Variants in PARP4 observed in about 807,000 individuals in gnomAD.
PARP4 encodes the protein poly(ADP-ribose) polymerase family member 4.
PARP4 carries 120 observed loss-of-function variants against 187.7 expected under a neutral mutation model. That is an observed-to-expected ratio of 0.64 (90% CI 0.55 to 0.74). PARP4 has a LOEUF of 0.74. Among genes scored for constraint, PARP4 ranks in the 30% least tolerant of loss-of-function variants. The pLI is 0.00. For synonymous variants in PARP4, 654 were observed against 740.9 expected (o/e 0.88, Z 1.90); for missense variants, 1,836 against 2,070.5 (o/e 0.89, Z 2.20).
At chr13:24,457,770 C>CAAAAAAA (rs33930012) in intron 20 of PARP4, among the ~76,000 whole-genome samples, 693 of 84,624 alleles carry the variant, frequency 8.2e-3, no homozygotes, top group Non-Finnish European at 9.9e-3. Context: ...GACTCTGTCT[C>CAAAAAAA]AAAAAAAAAA....
At chr13:24,487,960 T>C (rs117954245) in intron 10 of PARP4, among the ~76,000 whole-genome samples, 16,164 of 151,970 alleles carry the variant, frequency 0.11, 726 homozygotes, top group Non-Finnish European at 0.12. Context: ...AGATATTTTC[T>C]AAGCTTTTAG....
intron 1 of PARP4, among the ~76,000 whole-genome samples, chr13:24,506,881 C>A (rs555153625): frequency 6.6e-6 from 1 of 152,196 alleles, no homozygotes; most frequent in Non-Finnish European, 1.5e-5. Flanking sequence ...GCGGGACGCT[C>A]GTGCTGCGCA....
intron 30 of PARP4, among the ~76,000 whole-genome samples, chr13:24,437,595 G>A (rs1870693569): frequency 3.6e-5 from 2 of 55,848 alleles, no homozygotes; most frequent in South Asian, 4.1e-4. Context: ...ACATAGGGCT[G>A]TAAGAATATA....
intron 1 of PARP4, among the ~76,000 whole-genome samples, chr13:24,506,389 G>C (rs981692659): frequency 3.3e-5 from 5 of 152,126 alleles, no homozygotes; most frequent in East Asian, 3.9e-4. Flanking sequence ...CTTCCACAGC[G>C]TGGAAGAGGA....
At chr13:24,487,819 C>T (rs999314540) in intron 10 of PARP4, among the ~76,000 whole-genome samples, 41 of 152,244 alleles carry the variant, frequency 2.7e-4, no homozygotes, top group African/African-American at 8.7e-4. Flanking sequence ...AGCACACCCC[C>T]GGGTGAGCAG....
intron 12 of PARP4, 57 bp downstream of exon 12, chr13:24,484,596 G>A (rs917929427): frequency 2.5e-6 from 3 of 1,182,906 alleles, no homozygotes; most frequent in Non-Finnish European, 3.8e-6. Context: ...AGGAAAGACA[G>A]AAGAAAATAC....
Position 24,492,687 on chromosome 13 carries a change from T to C in PARP4, c.880-93A>G, listed in dbSNP as rs1322182504. Reference sequence around the variant, plus strand: ...ACTATATAAATAATTGTTAGACATGTCAAGACTATCCATTTTCTACTGGAG... The same window carrying C: ...ACTATATAAATAATTGTTAGACATGCCAAGACTATCCATTTTCTACTGGAG... On this transcript the variant is annotated intron_variant, in intron 8 of 33. Coordinates refer to ENST00000381989, the MANE Select transcript of PARP4 (RefSeq NM_006437.4). The C allele has an allele frequency of 7.0e-6, 7 of 1,002,396 alleles. No individual in the cohort carries two copies. In the East Asian group the frequency reaches 1.8e-4, roughly 25 times the overall value. 62.1% of individuals were successfully genotyped at this position (1,002,396 alleles called of 1,614,324 possible).
In PARP4 at chr13:24,446,721, G is replaced by A. The variant is rs1406886448; in HGVS notation, c.3326C>T (p.Thr1109Ile). The A allele has an allele frequency of 6.2e-7, 1 of 1,603,264 alleles. No individual in the cohort carries two copies. The highest frequency in any genetic ancestry group is 8.5e-7 in the Non-Finnish European group (1 of 1,170,174). ...CALIQEKEFRTMVSTTELQKT... is the reference protein window; with the variant it reads ...CALIQEKEFRIMVSTTELQKT... ...CTGAAGCTCAGTAGTCGACACCATT[G>A]TACGAAATTCTTTCTCTTGAATTAG... The change falls in exon 27 of 34, where the codon ACA becomes ATA. Residue 1109 changes from threonine to isoleucine, a missense_variant. Physicochemically the swap from Thr to Ile is moderately conservative, Grantham distance 89. Coordinates refer to ENST00000381989, the MANE Select transcript of PARP4 (RefSeq NM_006437.4).
At chr13:24,435,701 A>T (rs1351318806) in intron 30 of PARP4, among the ~76,000 whole-genome samples, 3 of 152,138 alleles carry the variant, frequency 2.0e-5, no homozygotes, top group Non-Finnish European at 2.9e-5. Flanking sequence ...AGGATCGCTC[A>T]AGGCTAGGAG....
chr13:24,472,016 T>C (rs1224532473), intron 15 of PARP4, among the ~76,000 whole-genome samples: 1 of 152,204 alleles, frequency 6.6e-6, no homozygotes, highest in Non-Finnish European at 1.5e-5. Context: ...CTCCGGATCC[T>C]TTGCTTTGTA....
chr13:24,504,749 A>G (rs9581092), intron 1 of PARP4, among the ~76,000 whole-genome samples: 2,354 of 151,594 alleles, frequency 0.016, 73 homozygotes, highest in African/African-American at 0.053. Context: ...GCTGGAGTGC[A>G]CTATTGCAAT....
chr13:24,449,374 C>G (rs1000918401), intron 25 of PARP4, among the ~76,000 whole-genome samples: 16 of 95,176 alleles, frequency 1.7e-4, no homozygotes, highest in African/African-American at 6.5e-4. Flanking sequence ...GGCGACAGAG[C>G]AAGACTCTGT....
At chr13:24,429,045 G>A (rs1870202857) in intron 32 of PARP4, among the ~76,000 whole-genome samples, 1 of 151,806 alleles carries the variant, frequency 6.6e-6, no homozygotes, top group Non-Finnish European at 1.5e-5. Flanking sequence ...GTTTAGGTAA[G>A]TTTATTGAGT....
At chr13:24,501,923 G>T in intron 2 of PARP4, 89 bp from the exon 3 acceptor site, 2 of 788,580 alleles carry the variant, frequency 2.5e-6, no homozygotes, top group Non-Finnish European at 4.1e-6. Flanking sequence ...CCCTTAGAAA[G>T]TATTAAGGTA....
At chr13:24,469,810 T>C (rs1475236368) in intron 16 of PARP4, 84 bp downstream of exon 16, 5 of 1,431,644 alleles carry the variant, frequency 3.5e-6, no homozygotes, top group African/African-American at 1.4e-5. Flanking sequence ...CTTGTAGCCA[T>C]GGGGACTCCA....
In PARP4 at chr13:24,498,190, G is replaced by A; in HGVS notation, c.517C>T (p.Leu173Phe). 1 of 1,613,606 alleles carries A rather than the reference G, an allele frequency of 6.2e-7. No individual in the cohort carries two copies. The highest frequency in any genetic ancestry group is 2.2e-5 in the East Asian group (1 of 44,886). Residue 173 changes from leucine to phenylalanine, a missense_variant, in exon 6 of 34, where the codon CTT becomes TTT. Leu to Phe is a conservative substitution (Grantham distance 22). Around this residue, in one of 8 missense-constraint regions of PARP4, gnomAD observed 1,147 missense variants for 1,214.2 expected, o/e 0.94. Transcript: ENST00000381989. ...EGGQEAVVVE[L>F]QCSRDSRDCP... The stretch of plus-strand genomic sequence containing the variant: ...TCCCTGGAGTCCCGCGAACACTGAA[G>A]CTCCACCACCACAGCTTCCTGGCCT...
chr13:24,467,246 T>C (rs1391099617), intron 17 of PARP4, among the ~76,000 whole-genome samples: 1 of 152,232 alleles, frequency 6.6e-6, no homozygotes, highest in East Asian at 1.9e-4. Context: ...TTCTCTTTAT[T>C]GTACCACTAA....
At chr13:24,489,635 AC>A (rs1240521446) in intron 10 of PARP4, among the ~76,000 whole-genome samples, 3 of 151,382 alleles carry the variant, frequency 2.0e-5, no homozygotes, top group East Asian at 1.9e-4. Flanking sequence ...AAATAAAAAA[AC>A]AAAAGAAATC....
At chr13:24,477,497 T>C (rs1873045382) in intron 14 of PARP4, among the ~76,000 whole-genome samples, 1 of 152,132 alleles carries the variant, frequency 6.6e-6, no homozygotes, top group South Asian at 2.1e-4. Flanking sequence ...TTAAGTGCTT[T>C]ATTTTGATAC....
Sources: allele counts gnomAD v4.1 joint callset (sites outside exome capture counted in the v4.1 genomes callset), GRCh38; gene constraint gnomAD v4.1.1; regional missense constraint gnomAD v4.1.1; transcripts MANE v1.5; gene names NCBI Gene and HGNC (gene_info 2026-07-23, HGNC 2026-07-21).